IPO11: variants seen among roughly 807,000 people sequenced by gnomAD.
IPO11 encodes importin 11.
A neutral mutation model predicts 143.2 loss-of-function variants in IPO11; 66 were observed. That is an observed-to-expected ratio of 0.46 (90% CI 0.38 to 0.57). The LOEUF (loss-of-function observed/expected upper bound fraction) is 0.57, where lower values mean the gene tolerates loss of function less well. Among genes scored for constraint, IPO11 ranks in the 20% least tolerant of loss-of-function variants. The pLI, the probability that IPO11 is intolerant of heterozygous loss-of-function variation, is 0.00. For missense variants in IPO11, 1,026 were observed against 1,141.0 expected, an observed-to-expected ratio of 0.90 and a Z score of 1.45; for synonymous variants, 385 against 377.8, an observed-to-expected ratio of 1.02 and a Z score of -0.22.
chr5:62,495,543 C>T (rs1001072061), intron 16 of IPO11, among the ~76,000 whole-genome samples: 5 of 152,122 alleles, frequency 3.3e-5, no homozygotes, highest in Admixed American at 6.6e-5. Flanking sequence ...GATACTATCA[C>T]GGCTCATTGT....
At chr5:62,517,111 T>C (rs549512378) in intron 20 of IPO11, among the ~76,000 whole-genome samples, 270 of 151,958 alleles carry the variant, frequency 1.8e-3, no homozygotes, top group Non-Finnish European at 3.3e-3. Flanking sequence ...GGCAGGAGAA[T>C]GGCATGAACC....
chr5:62,598,441 TC>T (rs1745336566), intron 28 of IPO11, among the ~76,000 whole-genome samples: 1 of 2,008 alleles, frequency 5.0e-4, no homozygotes, highest in Non-Finnish European at 8.3e-4. Flanking sequence ...TCTCTCTCTC[TC>T]TCTCTCTCTC....
intron 19 of IPO11, 28 bp from the exon 20 acceptor site, chr5:62,515,360 G>A (rs1270590460): frequency 1.3e-6 from 2 of 1,502,900 alleles, no homozygotes; most frequent in East Asian, 2.3e-5. Flanking sequence ...ATAAAATTTT[G>A]TTGTTTCCTC....
At chr5:62,444,260 T>C (rs1434022364) in intron 3 of IPO11, among the ~76,000 whole-genome samples, 3 of 151,920 alleles carry the variant, frequency 2.0e-5, no homozygotes, top group Non-Finnish European at 4.4e-5. Flanking sequence ...GCCCCGCTGA[T>C]TTTTTGTGTT....
At chr5:62,581,703 A>G (rs182666671) in intron 27 of IPO11, among the ~76,000 whole-genome samples, 85 of 152,262 alleles carry the variant, frequency 5.6e-4, no homozygotes, top group Non-Finnish European at 9.1e-4. Context: ...TTTCAGTTTT[A>G]TACTATATTG....
intron 10 of IPO11, chr5:62,483,524 G>C: frequency 2.5e-6 from 1 of 398,434 alleles, no homozygotes; most frequent in Non-Finnish European, 4.4e-6. Context: ...TGAAGCTTAG[G>C]GACTTTAAGA....
At chr5:62,497,643 AT>A (rs917150671) in intron 16 of IPO11, among the ~76,000 whole-genome samples, 1 of 151,912 alleles carries the variant, frequency 6.6e-6, no homozygotes. Flanking sequence ...TAATTTTTTG[AT>A]TTTTTGTATA....
chr5:62,547,916 A>T (rs1278938853), intron 24 of IPO11, among the ~76,000 whole-genome samples: 1 of 152,096 alleles, frequency 6.6e-6, no homozygotes, highest in Admixed American at 6.6e-5. Flanking sequence ...TTAAAGAAAA[A>T]AACTGTAGAC....
At chr5:62,465,599 T>A (rs1467244321) in intron 5 of IPO11, among the ~76,000 whole-genome samples, 1 of 152,238 alleles carries the variant, frequency 6.6e-6, no homozygotes, top group Non-Finnish European at 1.5e-5. Context: ...GTATTTTGGC[T>A]GTAATAAAAC....
In IPO11 at chr5:62,515,441, G is replaced by C. The variant is rs1472958830; in HGVS notation, c.1836G>C (p.Gln612His). The C allele has an allele frequency of 8.7e-6, 14 of 1,611,400 alleles. No individual in the cohort carries two copies. Among genetic ancestry groups the C allele is most frequent in the Non-Finnish European group, 1.1e-5 (13 of 1,179,112 alleles). Residue 612 changes from glutamine (Q) to histidine (H), a missense_variant, in exon 20 of 30, where the codon CAG (glutamine) becomes CAC (histidine). Around this residue, in one of 5 missense-constraint regions of IPO11, gnomAD observed 237 missense variants for 288.0 expected, o/e 0.82. Coordinates refer to ENST00000325324, the MANE Select transcript of IPO11 (RefSeq NM_016338.5). ...AATATTTGCCCCTCCTTTGGAAGCA[G>C]AGTGAAGAACACAATATGTTGAGAT... ...LVQYLPLLWK[Q>H]SEEHNMLRCA... is the part of the protein sequence containing the mutation.
At chr5:62,528,518 T>C (rs532585273) in intron 21 of IPO11, among the ~76,000 whole-genome samples, 1 of 151,876 alleles carries the variant, frequency 6.6e-6, no homozygotes, top group African/African-American at 2.4e-5. Context: ...TGAGGCTGGA[T>C]TGAGAGAGTG....
At chr5:62,528,990 C>T (rs1432906335) in intron 21 of IPO11, among the ~76,000 whole-genome samples, 1 of 152,060 alleles carries the variant, frequency 6.6e-6, no homozygotes, top group Admixed American at 6.6e-5. Context: ...CAAAAACAAC[C>T]TTTGGCTTTG....
intron 21 of IPO11, among the ~76,000 whole-genome samples, chr5:62,527,627 A>G (rs1580286389): frequency 3.3e-5 from 5 of 152,348 alleles, no homozygotes; most frequent in East Asian, 1.9e-4. Context: ...CAATATATTA[A>G]TGTGTTATTA....
chr5:62,533,487 C>T (rs1742628420), intron 22 of IPO11, among the ~76,000 whole-genome samples: 1 of 152,156 alleles, frequency 6.6e-6, no homozygotes, highest in African/African-American at 2.4e-5. Flanking sequence ...GCTGGGATTA[C>T]AGGCGTGAGC....
intron 5 of IPO11, among the ~76,000 whole-genome samples, chr5:62,457,346 T>C (rs78789490): frequency 0.02 from 2,973 of 151,872 alleles, 94 homozygotes; most frequent in African/African-American, 0.066. Flanking sequence ...AAATTAGGCA[T>C]GGTGGTGTAT....
intron 1 of IPO11, among the ~76,000 whole-genome samples, chr5:62,434,355 G>A (rs907116057): frequency 1.3e-5 from 2 of 152,016 alleles, no homozygotes; most frequent in Non-Finnish European, 2.9e-5. Flanking sequence ...AGGCTGGAGT[G>A]CAGTGGCGTG....
rs1580329815 is a variant in IPO11 at position 62,564,771 on chromosome 5, T to A, written c.2582+3514T>A. On this transcript the variant is annotated intron_variant, in intron 27 of 29. Transcript: ENST00000325324. ...ATTGCCCCCAGTTTAGAACCATGAC[T>A]CTAAAGAATGACCATTTGGGAAATG... is the stretch of plus-strand genomic sequence containing the variant. 2.6e-5 allele frequency among the ~76,000 whole-genome samples: 4 copies of A among 152,226 alleles called. No individual in the cohort carries two copies. The South Asian group carries it at 8.3e-4, about 32-fold the overall frequency.
chr5:62,504,961 C>T, intron 18 of IPO11, 63 bp downstream of exon 18: 3 of 872,004 alleles, frequency 3.4e-6, no homozygotes, highest in Non-Finnish European at 5.3e-6. Context: ...TCTTTGAATA[C>T]TATTTTATAC....
chr5:62,588,935 A>C (rs1160361096), intron 27 of IPO11, among the ~76,000 whole-genome samples: 1 of 152,184 alleles, frequency 6.6e-6, no homozygotes, highest in African/African-American at 2.4e-5. Flanking sequence ...CACGTGCCTA[A>C]TACATAACCT....
Sources: gnomAD v4.1 joint callset for allele counts (sites outside exome capture counted in the v4.1 genomes callset) on GRCh38, gnomAD v4.1.1 for gene constraint, gnomAD v4.1.1 regional missense constraint, MANE v1.5 for transcripts, NCBI Gene and HGNC (gene_info 2026-07-23, HGNC 2026-07-21) for gene names.